SCYL3: variants seen among roughly 807,000 people sequenced by gnomAD.
SCYL3 encodes the protein SCY1 like pseudokinase 3.
A neutral mutation model predicts 73.8 loss-of-function variants in SCYL3; 35 were observed. That is an observed-to-expected ratio of 0.47 (90% CI 0.36 to 0.63). The LOEUF is 0.63. SCYL3 is among the 20% of genes least tolerant of loss of function. The probability of loss-of-function intolerance (pLI) is 0.00; values close to 1 mark genes in which losing one functional copy is unlikely to be tolerated. For synonymous variants in SCYL3, 277 were observed against 295.2 expected (o/e 0.94, Z 0.63); for missense variants, 712 against 798.9 (o/e 0.89, Z 1.31).
intron 4 of SCYL3, 135 bp downstream of exon 4, chr1:169,875,843 T>C (rs1014614082): frequency 6.8e-5 from 31 of 459,072 alleles, no homozygotes; most frequent in East Asian, 4.5e-4. Context: ...ATTCTATAAA[T>C]GAGGGCACTG....
chr1:169,858,919 T>A, intron 11 of SCYL3, 122 bp downstream of exon 11: 2 of 857,102 alleles, frequency 2.3e-6, no homozygotes, highest in South Asian at 2.0e-5. Flanking sequence ...AAAGAGAAAT[T>A]AACTTTTTAT....
chr1:169,849,818 C>G lies in SCYL3; in HGVS notation c.*3895G>C. ...GTAAGGTCCTCTGAATAAACAAGGA[C>G]CAGAACAGGCATACACAGCAGGCCT... On this transcript the variant is annotated 3_prime_UTR_variant, in exon 13 of 13. Transcript: ENST00000367771. The G allele has an allele frequency of 1.8e-6, 1 of 552,374 alleles. No homozygotes were observed. Among genetic ancestry groups the G allele is most frequent in the East Asian group, 3.1e-5 (1 of 32,194 alleles). The allele number at this position is 552,374 out of a possible 1,614,324, so 34.2% of individuals were successfully genotyped here.
chr1:169,862,289 C>A (rs1197288741), intron 10 of SCYL3, among the ~76,000 whole-genome samples: 1 of 152,184 alleles, frequency 6.6e-6, no homozygotes, highest in African/African-American at 2.4e-5. Context: ...ATGCTCCTCT[C>A]TGTTCTAATT....
intron 1 of SCYL3, among the ~76,000 whole-genome samples, chr1:169,889,953 C>A (rs911671262): frequency 6.6e-6 from 1 of 152,206 alleles, no homozygotes; most frequent in Non-Finnish European, 1.5e-5. Flanking sequence ...TTTATACACA[C>A]ACACTTGCCT....
intron 2 of SCYL3, among the ~76,000 whole-genome samples, chr1:169,881,907 T>A (rs1169087517): frequency 1.3e-5 from 2 of 152,238 alleles, no homozygotes; most frequent in African/African-American, 4.8e-5. Flanking sequence ...ATAGGGTTCC[T>A]GCTCCTATGA....
chr1:169,854,069 T>C, intron 12 of SCYL3: 1 of 583,850 alleles, frequency 1.7e-6, no homozygotes, highest in South Asian at 2.4e-5. Context: ...TTACAATAGC[T>C]CATTAAACAA....
intron 8 of SCYL3, among the ~76,000 whole-genome samples, chr1:169,864,801 A>G (rs906572541): frequency 1.3e-5 from 2 of 152,194 alleles, no homozygotes; most frequent in Non-Finnish European, 2.9e-5. Context: ...CTCTACTAAA[A>G]GTACAAAAAT....
At chr1:169,858,478 T>C (rs942370795) in intron 11 of SCYL3, among the ~76,000 whole-genome samples, 2 of 152,216 alleles carry the variant, frequency 1.3e-5, no homozygotes, top group African/African-American at 4.8e-5. Context: ...GTTTCACAGT[T>C]AAAGTTTTTT....
intron 11 of SCYL3, chr1:169,855,675 A>G: frequency 1.1e-6 from 1 of 896,166 alleles, no homozygotes; most frequent in South Asian, 1.9e-5. Context: ...ATGAGACCAA[A>G]GCTGACTACA....
intron 10 of SCYL3, among the ~76,000 whole-genome samples, chr1:169,861,747 G>A (rs1049474306): frequency 2.6e-5 from 4 of 152,276 alleles, no homozygotes; most frequent in Admixed American, 2.6e-4. Context: ...TGTGATTGTA[G>A]TCTTTTAAAA....
Position 169,875,962 on chromosome 1 carries a change from C to T in SCYL3, c.465+16G>A, listed in dbSNP as rs747412443. 3.9e-6 allele frequency: 6 copies of T among 1,539,922 alleles called. No individual in the cohort carries two copies. Among genetic ancestry groups the T allele is most frequent in the Middle Eastern group, 1.7e-4 (1 of 5,888 alleles). ...TTAAAAACCAAGTAAGGAAGGGGGG[C>T]TGTCCCCTGGCTTACCTCTGGTGTG... On this transcript the variant is annotated intron_variant, in intron 4 of 12. Transcript: ENST00000367771.
chr1:169,861,524 T>C (rs186869584), intron 10 of SCYL3, among the ~76,000 whole-genome samples: 1 of 152,294 alleles, frequency 6.6e-6, no homozygotes, highest in Non-Finnish European at 1.5e-5. Flanking sequence ...CCCAGATGAC[T>C]GAAGACTCAG....
chr1:169,880,377 A>ACTTTCTTGCCAGAAGACC (rs1282954813), intron 2 of SCYL3, among the ~76,000 whole-genome samples: 3 of 142,012 alleles, frequency 2.1e-5, no homozygotes, highest in Admixed American at 6.9e-5. Flanking sequence ...AAACTGCTAA[A>ACTTTCTTGCCAGAAGACC]TATCAAAGAT....
chr1:169,876,089 T>C lies in SCYL3; in HGVS notation c.354A>G (p.Gly118=). Residue 118 remains glycine (G), a splice_region_variant and synonymous_variant, in exon 4 of 13, where the codon GGA becomes GGG. Transcript: ENST00000367771. ...LLALIFLHDR[G]HLTHNNVCLS... is the part of the protein sequence containing the mutation. ...AACAGACATTATTGTGTGTTAGGTGTCCCTGGAAAAAAAAAAGAACAGAAG... is the reference window on the plus strand; with the variant it reads ...AACAGACATTATTGTGTGTTAGGTGCCCCTGGAAAAAAAAAAGAACAGAAG... 1.9e-6 allele frequency: 3 copies of C among 1,555,694 alleles called. No individual in the cohort carries two copies. The highest frequency in any genetic ancestry group is 2.4e-5 in the South Asian group (2 of 82,334).
At chr1:169,882,682 CCT>C (rs1457853656) in intron 2 of SCYL3, among the ~76,000 whole-genome samples, 1 of 152,186 alleles carries the variant, frequency 6.6e-6, no homozygotes, top group African/African-American at 2.4e-5. Flanking sequence ...CAATCAGCGC[CCT>C]GTGTCTAGCT....
At chr1:169,886,739 G>A (rs1661712257) in intron 2 of SCYL3, among the ~76,000 whole-genome samples, 1 of 152,174 alleles carries the variant, frequency 6.6e-6, no homozygotes, top group Admixed American at 6.5e-5. Flanking sequence ...GTTAATTATA[G>A]CTGATGAATT....
In SCYL3 at chr1:169,855,064, T is replaced by C. The variant is rs9287096; in HGVS notation, c.1313-100A>G. 0.022 allele frequency: 18,361 copies of C among 823,274 alleles called. 1,449 individuals carry two copies. The East Asian group carries it at 0.24, about 11-fold the overall frequency. The allele number at this position is 823,274 out of a possible 1,614,324, so 51.0% of individuals were successfully genotyped here. A position where few individuals can be genotyped will look rare whatever the true frequency, so the allele number is the denominator to read the frequency against. Reference sequence around the variant, plus strand: ...AGGAAGTGTAGTAGTATAGGTCTAATTACTTGGAAATATCCATGCATACTA... The same window carrying C: ...AGGAAGTGTAGTAGTATAGGTCTAACTACTTGGAAATATCCATGCATACTA... On this transcript the variant is annotated intron_variant, in intron 11 of 12. Transcript: ENST00000367771.
Position 169,850,372 on chromosome 1 carries a change from T to G in SCYL3, c.*3341A>C. 3 of 1,492,350 alleles carry G rather than the reference T, an allele frequency of 2.0e-6. No homozygotes were observed. The highest frequency in any genetic ancestry group is 2.8e-6 in the Non-Finnish European group (3 of 1,084,918). 92.4% of individuals were successfully genotyped at this position (1,492,350 alleles called of 1,614,324 possible). A position where few individuals can be genotyped will look rare whatever the true frequency, so the allele number is the denominator to read the frequency against. ...TACTTTCTTTACATGGCTCATGTTT[T>G]ATTCTTTGTCCTATTTTTTTTTTTC... On this transcript the variant is annotated 3_prime_UTR_variant, in exon 13 of 13. Transcript: ENST00000367771.
At chr1:169,872,738 G>A (rs559893222) in intron 5 of SCYL3, among the ~76,000 whole-genome samples, 5 of 152,326 alleles carry the variant, frequency 3.3e-5, no homozygotes, top group East Asian at 3.9e-4. Flanking sequence ...ACCCGGATGC[G>A]AGACACGGAA....
Sources: gnomAD v4.1 joint callset for allele counts (sites outside exome capture counted in the v4.1 genomes callset) on GRCh38, gnomAD v4.1.1 for gene constraint, MANE v1.5 for transcripts, NCBI Gene and HGNC (gene_info 2026-07-23, HGNC 2026-07-21) for gene names.